APBA1: variants seen among roughly 807,000 people sequenced by gnomAD.
APBA1 encodes the protein amyloid-beta A4 precursor protein-binding family A member 1.
A neutral mutation model predicts 86.6 loss-of-function variants in APBA1; 55 were observed. The ratio of observed to expected loss-of-function variants is 0.64; its 90% confidence interval spans 0.51 to 0.80. APBA1 has a LOEUF of 0.80. Ranked by LOEUF, APBA1 falls within the 30% of genes least tolerant of loss-of-function variation. The pLI, the probability that APBA1 is intolerant of heterozygous loss-of-function variation, is 0.00. For missense variants in APBA1, 1,090 were observed against 1,183.0 expected (o/e 0.92, Z 1.15); for synonymous variants, 511 against 493.9 (o/e 1.03, Z -0.46).
At chr9:69,468,796 T>C (rs923710122) in intron 4 of APBA1, among the ~76,000 whole-genome samples, 4 of 152,244 alleles carry the variant, frequency 2.6e-5, no homozygotes, top group Non-Finnish European at 5.9e-5. Flanking sequence ...CTGTGATTAA[T>C]ATATAACTGT....
rs1392864890 is a variant in APBA1, at chr9:69,431,028, C to T, written c.*299G>A. ...AGGATTCTCCCTCAAGCAGTGACAG[C>T]CCACCCCCTGGACACACCCAGAAAG... On this transcript the variant is annotated 3_prime_UTR_variant, in exon 13 of 13. Coordinates refer to ENST00000265381, the MANE Select transcript of APBA1 (RefSeq NM_001163.4). 1 of 304,316 alleles carries T rather than the reference C, an allele frequency of 3.3e-6. No individual in the cohort carries two copies. Among genetic ancestry groups the T allele is most frequent in the African/African-American group, 2.1e-5 (1 of 46,622 alleles). The allele number at this position is 304,316 out of a possible 1,614,324, so 18.9% of individuals were successfully genotyped here.
At chr9:69,545,476 T>A (rs7019109) in intron 1 of APBA1, among the ~76,000 whole-genome samples, 1 of 151,986 alleles carries the variant, frequency 6.6e-6, no homozygotes, top group African/African-American at 2.4e-5. Flanking sequence ...TACTTGAAAC[T>A]GAAAATTCTA....
chr9:69,672,875 C>G (rs1356527867), upstream of APBA1: 1 of 152,344 alleles, frequency 6.6e-6, no homozygotes, highest in African/African-American at 2.4e-5. Context: ...ACGGGCCACG[C>G]TGCAGGACCA....
At chr9:69,462,373 G>C (rs1262401326) in intron 5 of APBA1, 2 of 152,264 alleles carry the variant, frequency 1.3e-5, no homozygotes, top group African/African-American at 4.8e-5. Flanking sequence ...GCTTTCTCTA[G>C]AAAGGGGTAG....
At chr9:69,460,174 C>T (rs764858684) in intron 5 of APBA1, among the ~76,000 whole-genome samples, 3 of 152,236 alleles carry the variant, frequency 2.0e-5, no homozygotes, top group Non-Finnish European at 4.4e-5. Flanking sequence ...CCAGACACCA[C>T]ATAGCGAATC....
chr9:69,520,921 C>G (rs147249629), intron 1 of APBA1, among the ~76,000 whole-genome samples: 1 of 152,198 alleles, frequency 6.6e-6, no homozygotes, highest in Admixed American at 6.5e-5. Flanking sequence ...CACTGCCAGC[C>G]TGATGATCTT....
rs776382510 is a variant in APBA1 at position 69,516,095 on chromosome 9, G to A, written c.1116C>T (p.Asp372=). The change falls in exon 2 of 13, where the codon GAC becomes GAT. Residue 372 remains aspartate, a synonymous_variant. Transcript: ENST00000265381. The surrounding 1 kb of genome is among the most constrained non-coding windows in gnomAD (Gnocchi z 7.3). ...TGACCCAGATGGGCTCTTTGGGCTC[G>A]TCGGGGGTGTAAGGCGAACGGATGG... ...TRTIRSPYTP[D]EPKEPIWVMR... The A allele has an allele frequency of 1.9e-6, 3 of 1,613,374 alleles. No individual in the cohort carries two copies. Among genetic ancestry groups the A allele is most frequent in the Non-Finnish European group, 1.7e-6 (2 of 1,179,610 alleles).
Position 69,441,109 on chromosome 9 carries a change from T to G in APBA1, c.2188A>C (p.Lys730Gln). ...TTCAGCTTGACTCGGGACTGATTCT[T>G]TAAGCCCTTAAACATGAATAAAGTA... is the stretch of plus-strand genomic sequence containing the variant. Reference protein sequence around the residue: ...STCQSIIKGLKNQSRVKLNIV... With the variant: ...STCQSIIKGLQNQSRVKLNIV... The change falls in exon 11 of 13, where the codon AAG (lysine) becomes CAG (glutamine). Residue 730 changes from lysine to glutamine, a missense_variant. Physicochemically the swap from Lys to Gln is moderately conservative, Grantham distance 53. Transcript: ENST00000265381. 6.2e-7 allele frequency: 1 copy of G among 1,613,896 alleles called. No individual in the cohort carries two copies. The highest frequency in any genetic ancestry group is 8.5e-7 in the Non-Finnish European group (1 of 1,179,954).
intron 1 of APBA1, 118 bp from the exon 2 acceptor site, chr9:69,517,397 A>T: frequency 9.5e-7 from 1 of 1,051,208 alleles, no homozygotes; most frequent in Non-Finnish European, 1.2e-6. Flanking sequence ...GGTCAATTAA[A>T]AAAAGACTGC....
chr9:69,665,576 G>C (rs1429650490), intron 1 of APBA1, among the ~76,000 whole-genome samples: 1 of 152,210 alleles, frequency 6.6e-6, no homozygotes, highest in Non-Finnish European at 1.5e-5. Context: ...AATGCAGAGA[G>C]TCAGTCTGTG....
chr9:69,456,509 C>T lies in APBA1; in HGVS notation c.1603-77G>A, dbSNP rs1835100301. 2.1e-6 allele frequency: 3 copies of T among 1,439,846 alleles called. No individual in the cohort carries two copies. In the African/African-American group the frequency reaches 4.3e-5, roughly 21 times the overall value. The allele number at this position is 1,439,846 out of a possible 1,614,324, so 89.2% of individuals were successfully genotyped here. ...AAGAAAGCGCCTGCCACCTTACAGCCAGTCAAGTATGGTTCGCATGCAGGG... is the reference window on the plus strand; with the variant it reads ...AAGAAAGCGCCTGCCACCTTACAGCTAGTCAAGTATGGTTCGCATGCAGGG... On this transcript the variant is annotated intron_variant, in intron 7 of 12. Coordinates refer to ENST00000265381, the MANE Select transcript of APBA1 (RefSeq NM_001163.4).
At chr9:69,440,484 G>A (rs988967757) in intron 11 of APBA1, among the ~76,000 whole-genome samples, 4 of 151,890 alleles carry the variant, frequency 2.6e-5, no homozygotes, top group African/African-American at 9.7e-5. Context: ...GGGCAATGGT[G>A]GGTGCCCCTC....
intron 2 of APBA1, among the ~76,000 whole-genome samples, chr9:69,495,728 A>T (rs1401056922): frequency 6.6e-6 from 1 of 151,958 alleles, no homozygotes; most frequent in Non-Finnish European, 1.5e-5. Flanking sequence ...ACACACCCCA[A>T]ACTCTGCTAC....
At chr9:69,616,887 T>C (rs1576508) in intron 1 of APBA1, among the ~76,000 whole-genome samples, 140,400 of 152,220 alleles carry the variant, frequency 0.92, 65,432 homozygotes, top group East Asian at 1. Context: ...AATGGAGTCA[T>C]ATTTTAAGAT....
At chr9:69,584,973 GC>G (rs1821991057) in intron 1 of APBA1, among the ~76,000 whole-genome samples, 1 of 152,170 alleles carries the variant, frequency 6.6e-6, no homozygotes, top group African/African-American at 2.4e-5. Context: ...ACAGATTAGA[GC>G]CAGCCAAGCC....
chr9:69,526,163 G>GC (rs1836339092), intron 1 of APBA1, among the ~76,000 whole-genome samples: 1 of 151,866 alleles, frequency 6.6e-6, no homozygotes, highest in Non-Finnish European at 1.5e-5. Flanking sequence ...TCAGCCTTGG[G>GC]AAAGAATTTA....
intron 1 of APBA1, among the ~76,000 whole-genome samples, chr9:69,565,183 G>A (rs1453279758): frequency 1.3e-5 from 2 of 151,980 alleles, no homozygotes; most frequent in Non-Finnish European, 2.9e-5. Context: ...AATGTGAAGT[G>A]CTGTCAGGTA....
intron 1 of APBA1, among the ~76,000 whole-genome samples, chr9:69,539,819 C>T (rs1836574655): frequency 6.6e-6 from 1 of 152,132 alleles, no homozygotes; most frequent in Non-Finnish European, 1.5e-5. Context: ...CATGTGTCTG[C>T]TTATATGTCA....
intron 11 of APBA1, among the ~76,000 whole-genome samples, chr9:69,435,011 G>C (rs1183006991): frequency 7.4e-6 from 1 of 134,696 alleles, no homozygotes; most frequent in Non-Finnish European, 1.5e-5. Flanking sequence ...TGTTCTCATT[G>C]TTCAATTCCC....
Sources: allele counts gnomAD v4.1 joint callset (sites outside exome capture counted in the v4.1 genomes callset), GRCh38; gene constraint gnomAD v4.1.1; non-coding constraint Gnocchi (gnomAD v3.1); transcripts MANE v1.5; gene names NCBI Gene and HGNC (gene_info 2026-07-23, HGNC 2026-07-21).